RTTN: variants seen among roughly 807,000 people sequenced by gnomAD.
The protein encoded by RTTN is rotatin.
RTTN carries 182 observed loss-of-function variants against 269.2 expected under a neutral mutation model. The ratio of observed to expected loss-of-function variants is 0.68; its 90% CI spans 0.60 to 0.76. The LOEUF (loss-of-function observed/expected upper bound fraction) is 0.76. Ranked by LOEUF, RTTN falls within the 30% of genes least tolerant of loss-of-function variation. RTTN has a pLI of 0.00. For missense variants in RTTN, 2,545 were observed against 2,608.6 expected (o/e 0.98, Z 0.53); for synonymous variants, 1,006 against 963.5 (o/e 1.04, Z -0.82).
At chr18:70,024,398 C>T (rs1352209226) in intron 44 of RTTN, among the ~76,000 whole-genome samples, 1 of 152,148 alleles carries the variant, frequency 6.6e-6, no homozygotes. Context: ...GAAGTTCTAA[C>T]CTTCACGTGG....
intron 34 of RTTN, among the ~76,000 whole-genome samples, chr18:70,071,501 C>G (rs970707074): frequency 1.3e-5 from 2 of 152,128 alleles, no homozygotes; most frequent in African/African-American, 4.8e-5. Flanking sequence ...AAACAGCTAT[C>G]CATCTTGGAT....
intron 14 of RTTN, among the ~76,000 whole-genome samples, chr18:70,153,262 CAT>C (rs1330620680): frequency 6.6e-6 from 1 of 151,752 alleles, no homozygotes; most frequent in Non-Finnish European, 1.5e-5. Context: ...ATATTCTATA[CAT>C]ATAGTGTTAT....
In RTTN at chr18:70,024,947, G is replaced by A. The variant is rs115936008; in HGVS notation, c.5824-99C>T. 37 of 1,351,844 alleles carry A rather than the reference G, an allele frequency of 2.7e-5. No homozygotes were observed. The African/African-American group carries it at 4.7e-4, about 17-fold the overall frequency. 83.7% of individuals were successfully genotyped at this position (1,351,844 alleles called of 1,614,324 possible). On this transcript the variant is annotated intron_variant, in intron 43 of 48. Transcript: ENST00000640769. ...AGAAAGCCATCAACATAAGACCCAA[G>A]GAGAACCCTGTGGATGGCTTCAGCA...
chr18:70,079,838 T>C (rs904462568), intron 32 of RTTN, among the ~76,000 whole-genome samples: 17 of 152,172 alleles, frequency 1.1e-4, no homozygotes, highest in African/African-American at 3.9e-4. Flanking sequence ...TTAAAATGCA[T>C]ATTATACTCC....
At chr18:70,006,239 A>G (rs2056182049) in intron 47 of RTTN, 142 bp downstream of exon 47, 1 of 576,004 alleles carries the variant, frequency 1.7e-6, no homozygotes, top group South Asian at 2.7e-5. Flanking sequence ...TGTATGAATC[A>G]GCAAAGGGAA....
rs189952892 is a variant in RTTN at position 70,171,037 on chromosome 18, A to G, written c.1477-1970T>C. Among the ~76,000 whole-genome samples the G allele has an allele frequency of 2.8e-3, 434 of 152,290 alleles. 2 individuals are homozygous for G. The highest frequency in any genetic ancestry group is 1.9e-3 in the Non-Finnish European group (131 of 68,016). ...GGAAACAAAGAATGAAGTTTGGGAC[A>G]TGTTCAGTTGGAGACATTTATTGTC... On this transcript the variant is annotated intron_variant, in intron 11 of 48. Coordinates refer to ENST00000640769, the MANE Select transcript of RTTN (RefSeq NM_173630.4).
At chr18:70,203,968 A>T (rs1450447764) in intron 3 of RTTN, 118 bp downstream of exon 3, 2 of 764,638 alleles carry the variant, frequency 2.6e-6, no homozygotes, top group East Asian at 2.8e-5. Context: ...AGTTAACACA[A>T]GAAAAATAAG....
chr18:70,047,860 ATTACTATTTC>A (rs1335503921), intron 40 of RTTN, 101 bp downstream of exon 40: 1 of 807,336 alleles, frequency 1.2e-6, no homozygotes, highest in Non-Finnish European at 2.0e-6. Context: ...CATAATAAGC[ATTACTATTTC>A]TTAATTTAAA....
chr18:70,204,394 G>T, intron 2 of RTTN, 131 bp from the exon 3 acceptor site: 1 of 811,782 alleles, frequency 1.2e-6, no homozygotes, highest in Non-Finnish European at 1.9e-6. Context: ...TCATGGCTCT[G>T]CCCCGAAGTA....
intron 12 of RTTN, among the ~76,000 whole-genome samples, chr18:70,167,416 CAT>C (rs1371082266): frequency 1.3e-5 from 2 of 152,204 alleles, no homozygotes; most frequent in African/African-American, 2.4e-5. Flanking sequence ...ACATTGAACA[CAT>C]GTGTGATTAA....
chr18:70,076,836 T>C (rs2058440666), intron 32 of RTTN, among the ~76,000 whole-genome samples: 1 of 152,000 alleles, frequency 6.6e-6, no homozygotes, highest in African/African-American at 2.4e-5. Context: ...AACCAAGGTA[T>C]ATGTTACAGG....
At position 70,020,818 on chromosome 18, in the gene RTTN, C is replaced by A; in HGVS notation, c.5951-1G>T. The A allele has an allele frequency of 6.2e-7, 1 of 1,607,326 alleles. No individual in the cohort carries two copies. Among genetic ancestry groups the A allele is most frequent in the Non-Finnish European group, 8.5e-7 (1 of 1,176,578 alleles). The stretch of plus-strand genomic sequence containing the variant: ...CTTGACCAACAAAGAGAACTGCAAC[C>A]TTCAAAAATAACAGCCTATCACAAT... On this transcript the variant is annotated splice_acceptor_variant, in intron 44 of 48. Transcript: ENST00000640769. LOFTEE classifies it high-confidence loss of function.
chr18:70,090,466 T>C (rs141642472), intron 30 of RTTN, among the ~76,000 whole-genome samples: 1 of 152,218 alleles, frequency 6.6e-6, no homozygotes, highest in Admixed American at 6.5e-5. Flanking sequence ...AGCCTTCTTG[T>C]ATTGATGTGA....
chr18:70,047,124 A>G (rs1250017364), intron 40 of RTTN, among the ~76,000 whole-genome samples: 1 of 152,218 alleles, frequency 6.6e-6, no homozygotes, highest in Non-Finnish European at 1.5e-5. Flanking sequence ...CAACAAAGGA[A>G]TTATAACAAA....
chr18:70,128,539 G>T lies in RTTN; in HGVS notation c.2962C>A (p.Leu988Ile). 1 of 1,611,340 alleles carries T rather than the reference G, an allele frequency of 6.2e-7. No homozygotes were observed. Among genetic ancestry groups the T allele is most frequent in the Non-Finnish European group, 8.5e-7 (1 of 1,178,408 alleles). ...TGGTGTCCAATTACATGAACAGGTA[G>T]ATGGTACCTAAAGAAAATGTGTACA... ...LPVSVFRRYHLPVHVIGHHAV... is the reference protein window; with the variant it reads ...LPVSVFRRYHIPVHVIGHHAV... Residue 988 changes from leucine to isoleucine, a missense_variant, in exon 24 of 49, where the codon CTA (leucine) becomes ATA (isoleucine). By Grantham distance (5) the Leu-to-Ile change is conservative (BLOSUM62 2). Transcript: ENST00000640769.
rs543609815 is a variant in RTTN, at chr18:70,165,086, A to G, written c.1929+976T>C. Among the ~76,000 whole-genome samples the G allele has an allele frequency of 1.3e-3, 205 of 152,276 alleles. 1 individual carries two copies. The highest frequency in any genetic ancestry group is 3.8e-3 in the African/African-American group (158 of 41,570). On this transcript the variant is annotated intron_variant, in intron 14 of 48. Transcript: ENST00000640769. ...ATTCAAAATAAAGTGAAATCATGAC[A>G]TTTTCAAACGTATGCACACAGTCAC...
At chr18:70,161,887 T>C (rs2060841147) in intron 14 of RTTN, among the ~76,000 whole-genome samples, 1 of 152,078 alleles carries the variant, frequency 6.6e-6, no homozygotes, top group Admixed American at 6.6e-5. Flanking sequence ...AACACAGTAC[T>C]ATAAGCCCTA....
At chr18:70,171,473 A>G (rs2061141249) in intron 11 of RTTN, among the ~76,000 whole-genome samples, 1 of 152,232 alleles carries the variant, frequency 6.6e-6, no homozygotes, top group African/African-American at 2.4e-5. Context: ...AGGAATTCCA[A>G]TGTTTCACCC....
intron 8 of RTTN, chr18:70,192,877 T>G (rs2146111517): frequency 6.4e-6 from 1 of 155,260 alleles, no homozygotes; most frequent in East Asian, 1.9e-4. Context: ...CTTTTAAACT[T>G]GATCATATTC....
Sources: gnomAD v4.1 joint callset for allele counts (sites outside exome capture counted in the v4.1 genomes callset) on GRCh38, gnomAD v4.1.1 for gene constraint, MANE v1.5 for transcripts, NCBI Gene and HGNC (gene_info 2026-07-23, HGNC 2026-07-21) for gene names.